Variants in ZNF721 observed in about 807,000 individuals in gnomAD.
ZNF721 encodes the protein zinc finger protein 721.
A neutral mutation model predicts 2.4 loss-of-function variants in ZNF721; 2 were observed. That is an observed-to-expected ratio of 0.82 (90% CI 0.34 to 2.58). ZNF721 has a LOEUF of 2.58. Among genes scored for constraint, ZNF721 ranks in the 30% most tolerant of loss-of-function variants. ZNF721 has a pLI of 0.11. For missense variants in ZNF721, 1,187 were observed against 1,085.5 expected (o/e 1.09, Z -1.31); for synonymous variants, 398 against 381.8 (o/e 1.04, Z -0.50).
chr4:474,064 C>G, intron 1 of ZNF721: 1 of 1,449,086 alleles, frequency 6.9e-7, no homozygotes, highest in South Asian at 1.1e-5. Flanking sequence ...GAGGCTGAGG[C>G]TCTGGCAAAA....
At chr4:470,997 T>TC (rs1715414688) in intron 2 of ZNF721, among the ~76,000 whole-genome samples, 1 of 142,354 alleles carries the variant, frequency 7.0e-6, no homozygotes, top group African/African-American at 2.6e-5. Context: ...AGACTCTGTC[T>TC]CAAAAAAAAA....
chr4:476,576 T>C (rs577036812), intron 1 of ZNF721, among the ~76,000 whole-genome samples: 1 of 152,282 alleles, frequency 6.6e-6, no homozygotes, highest in Admixed American at 6.5e-5. Context: ...AATTAACACT[T>C]ATTTACCCAC....
intron 1 of ZNF721, among the ~76,000 whole-genome samples, chr4:481,474 C>T (rs1045115377): frequency 7.2e-5 from 11 of 152,094 alleles, no homozygotes; most frequent in Non-Finnish European, 5.9e-5. Flanking sequence ...GCATAGCTTC[C>T]TTTGGGAAAT....
chr4:466,137 T>C (rs1715243794), intron 2 of ZNF721, among the ~76,000 whole-genome samples: 1 of 151,938 alleles, frequency 6.6e-6, no homozygotes, highest in African/African-American at 2.4e-5. Context: ...AAAAGAAAAC[T>C]GCAGAACTCC....
At chr4:474,225 C>T in intron 1 of ZNF721, 1 of 385,694 alleles carries the variant, frequency 2.6e-6, no homozygotes, top group Admixed American at 3.6e-5. Context: ...GTCAAGCGCT[C>T]TGATTGGATA....
intron 1 of ZNF721, among the ~76,000 whole-genome samples, chr4:497,932 G>A (rs1355152644): frequency 2.7e-5 from 4 of 148,806 alleles, no homozygotes; most frequent in African/African-American, 7.4e-5. Flanking sequence ...CAGGCCGGGC[G>A]CGGTGGCTCA....
chr4:473,083 G>C (rs1427670856), intron 1 of ZNF721, among the ~76,000 whole-genome samples: 1 of 152,090 alleles, frequency 6.6e-6, no homozygotes, highest in Non-Finnish European at 1.5e-5. Flanking sequence ...CAGAACAATA[G>C]ACAGGATGTG....
At chr4:480,851 A>G (rs1715754765) in intron 1 of ZNF721, among the ~76,000 whole-genome samples, 1 of 147,212 alleles carries the variant, frequency 6.8e-6, no homozygotes, top group South Asian at 2.1e-4. Context: ...TGTTATACAC[A>G]TGTGTGTGCA....
intron 1 of ZNF721, among the ~76,000 whole-genome samples, chr4:481,556 C>A (rs1715768931): frequency 6.6e-6 from 1 of 151,068 alleles, no homozygotes; most frequent in African/African-American, 2.4e-5. Flanking sequence ...TCAGAAGACA[C>A]ATCTTTGTTC....
At chr4:463,486 G>A (rs1715133793) in intron 2 of ZNF721, among the ~76,000 whole-genome samples, 1 of 152,144 alleles carries the variant, frequency 6.6e-6, no homozygotes, top group African/African-American at 2.4e-5. Context: ...GTTTACAGTA[G>A]CAAAGATTTG....
At chr4:479,716 C>T (rs1222070143) in intron 1 of ZNF721, among the ~76,000 whole-genome samples, 6 of 152,194 alleles carry the variant, frequency 3.9e-5, no homozygotes, top group Non-Finnish European at 8.8e-5. Flanking sequence ...CTCCTGCTGT[C>T]CCACCCCATG....
At chr4:445,434 G>A (rs1714441022) in intron 2 of ZNF721, among the ~76,000 whole-genome samples, 3 of 152,052 alleles carry the variant, frequency 2.0e-5, no homozygotes, top group Non-Finnish European at 4.4e-5. Context: ...TCATGACAAA[G>A]CAACATAATA....
At chr4:472,334 A>G (rs1715461869) in intron 2 of ZNF721, among the ~76,000 whole-genome samples, 1 of 152,256 alleles carries the variant, frequency 6.6e-6, no homozygotes, top group Admixed American at 6.5e-5. Context: ...TGCTGGGATT[A>G]CAGGCGTGAG....
intron 1 of ZNF721, among the ~76,000 whole-genome samples, chr4:486,977 G>A (rs1715913738): frequency 6.6e-6 from 1 of 152,190 alleles, no homozygotes. Flanking sequence ...AGGAAACCTG[G>A]CTGAGTAGTG....
rs1340098656 is a variant in ZNF721, at chr4:443,799, C to T, written c.668G>A (p.Cys223Tyr). Residue 223 changes from cysteine to tyrosine, a missense_variant, in exon 3 of 3, where the codon TGT (cysteine) becomes TAT (tyrosine). Coordinates refer to ENST00000511833, the MANE Select transcript of ZNF721 (RefSeq NM_133474.4). ...CATAAAGGCTTTCCCACATTCTTTA[C>T]ATTTGTAGGGTTTATCTCCAGTATG... ...KIHTGDKPYK[C>Y]KECGKAFMHS... The T allele has an allele frequency of 2.5e-5, 41 of 1,613,828 alleles. No individual in the cohort carries two copies. The highest frequency in any genetic ancestry group is 3.4e-5 in the Non-Finnish European group (40 of 1,179,948).
chr4:444,107 C>T lies in ZNF721; in HGVS notation c.360G>A (p.Lys120=). The change falls in exon 3 of 3, where the codon AAG becomes AAA. Residue 120 remains lysine, a synonymous_variant. Coordinates refer to ENST00000511833, the MANE Select transcript of ZNF721 (RefSeq NM_133474.4). ...KCNECGKSFQ[K]FSDLTQHKGI... is the part of the protein sequence containing the mutation. ...CTTTATGTTGAGTTAGGTCTGAGAACTTCTGAAATGACTTGCCACATTCGT... is the reference window on the plus strand; with the variant it reads ...CTTTATGTTGAGTTAGGTCTGAGAATTTCTGAAATGACTTGCCACATTCGT... 1.9e-6 allele frequency: 3 copies of T among 1,614,110 alleles called. No homozygotes were observed. Among genetic ancestry groups the T allele is most frequent in the South Asian group, 2.2e-5 (2 of 91,076 alleles).
chr4:456,271 T>C (rs1032748393), intron 2 of ZNF721, among the ~76,000 whole-genome samples: 2 of 152,064 alleles, frequency 1.3e-5, no homozygotes, highest in Non-Finnish European at 2.9e-5. Context: ...GGTTTCTCCA[T>C]GTTGGTCAGG....
intron 2 of ZNF721, among the ~76,000 whole-genome samples, chr4:448,443 A>T (rs57080649): frequency 2.0e-5 from 2 of 97,924 alleles, no homozygotes; most frequent in African/African-American, 5.7e-5. Context: ...ATCCCCCCCC[A>T]AAAAAAAAAA....
intron 1 of ZNF721, among the ~76,000 whole-genome samples, chr4:483,627 G>A (rs1576971380): frequency 6.6e-6 from 1 of 151,872 alleles, no homozygotes; most frequent in South Asian, 2.1e-4. Context: ...AAGAGGAAGT[G>A]GTTTGTGGGC....
Sources: allele counts gnomAD v4.1 joint callset (sites outside exome capture counted in the v4.1 genomes callset), GRCh38; gene constraint gnomAD v4.1.1; transcripts MANE v1.5; gene names NCBI Gene and HGNC (gene_info 2026-07-23, HGNC 2026-07-21).